The following DNAH17 variants were observed in gnomAD, a reference collection of about 807,000 sequenced individuals.
The protein encoded by DNAH17 is axonemal beta dynein heavy chain 17.
In DNAH17, 376 loss-of-function variants were observed where a neutral mutation model predicts 485.6. That is an observed-to-expected ratio of 0.77 (90% CI 0.71 to 0.84). The LOEUF is 0.84. Among genes scored for constraint, DNAH17 ranks in the 40% least tolerant of loss-of-function variants. The pLI is 0.00. For synonymous variants in DNAH17, 3,031 were observed against 2,405.9 expected (o/e 1.26, Z -7.60); for missense variants, 6,370 against 5,839.3 (o/e 1.09, Z -2.96).
In DNAH17 at chr17:78,483,293, G is replaced by A. The variant is rs118160100; in HGVS notation, c.7649+1575C>T. Among the ~76,000 whole-genome samples the A allele has an allele frequency of 8.1e-3, 1,241 of 152,296 alleles. 8 individuals are homozygous for A. The highest frequency in any genetic ancestry group is 0.011 in the Non-Finnish European group (770 of 68,032). ...TCGTGAGCTCTGGGAGTGTCGTTTAGTGAGGAAAAGGCAAGTGATGGAGTC... is the reference window on the plus strand; with the variant it reads ...TCGTGAGCTCTGGGAGTGTCGTTTAATGAGGAAAAGGCAAGTGATGGAGTC... On this transcript the variant is annotated intron_variant, in intron 48 of 80. Transcript: ENST00000389840.
rs752744352 is a variant in DNAH17 at position 78,561,807 on chromosome 17, GTT to G, written c.1741_1742del (p.Asn581HisfsTer46). 3 of 1,613,898 alleles carry G rather than the reference GTT, an allele frequency of 1.9e-6. No homozygotes were observed. Among genetic ancestry groups the G allele is most frequent in the Non-Finnish European group, 2.5e-6 (3 of 1,179,844 alleles). The part of the protein sequence containing the change: ...EEGNIPLIHK[N>X]MPPVAGQLKW... ...TGAGCTGCCCGGCCACGGGAGGCAT[GTT>G]TTTGTGGATCAGGGGGATGTTCCCC... On this transcript the variant is annotated frameshift_variant, in exon 12 of 81. Transcript: ENST00000389840. LOFTEE classifies it high-confidence loss of function.
rs1295762760 is a variant in DNAH17 at position 78,459,115 on chromosome 17, G to A, written c.9747C>T (p.Val3249=). ...CGTCGCAGTAGACCTCGTAGAAGCG[G>A]ACGATGTTGATGCACCAGGAGCACA... ...AGLCSWCINI[V]RFYEVYCDVA... is the part of the protein sequence containing the mutation. The change falls in exon 61 of 81, where the codon GTC becomes GTT. Residue 3249 remains valine, a synonymous_variant. Coordinates refer to ENST00000389840, the MANE Select transcript of DNAH17 (RefSeq NM_173628.4). 3 of 1,613,918 alleles carry A rather than the reference G, an allele frequency of 1.9e-6. No individual in the cohort carries two copies. The South Asian group carries it at 3.3e-5, about 18-fold the overall frequency.
intron 54 of DNAH17, among the ~76,000 whole-genome samples, chr17:78,469,376 T>C (rs1038816124): frequency 6.6e-6 from 1 of 152,130 alleles, no homozygotes; most frequent in African/African-American, 2.4e-5. Context: ...CTCTTGACCT[T>C]GTGATCCACC....
At chr17:78,487,321 T>A (rs889889313) in intron 44 of DNAH17, among the ~76,000 whole-genome samples, 1 of 152,212 alleles carries the variant, frequency 6.6e-6, no homozygotes, top group African/African-American at 2.4e-5. Flanking sequence ...GGGCTGATAT[T>A]TTTAAAGCTC....
chr17:78,553,305 T>C (rs543893518), intron 14 of DNAH17, among the ~76,000 whole-genome samples: 1 of 78,916 alleles, frequency 1.3e-5, no homozygotes, highest in Non-Finnish European at 2.6e-5. Context: ...TTTTTTTTTT[T>C]TTTTTTTTTT....
Position 78,515,153 on chromosome 17 carries a change from G to A in DNAH17, c.3865-131C>T, listed in dbSNP as rs564651636. Reference sequence around the variant, plus strand: ...AGGAATATTTAGAACTAATACCCGAGATCAGTAAAGTGATTAGATACAAGA... The same window carrying A: ...AGGAATATTTAGAACTAATACCCGAAATCAGTAAAGTGATTAGATACAAGA... On this transcript the variant is annotated intron_variant, in intron 25 of 80. Coordinates refer to ENST00000389840, the MANE Select transcript of DNAH17 (RefSeq NM_173628.4). 70 of 1,043,678 alleles carry A rather than the reference G, an allele frequency of 6.7e-5. 1 individual carries two copies. Among genetic ancestry groups the A allele is most frequent in the Middle Eastern group, 2.1e-4 (1 of 4,734 alleles). 64.7% of individuals were successfully genotyped at this position (1,043,678 alleles called of 1,614,324 possible).
Position 78,502,579 on chromosome 17 carries a change from C to A in DNAH17, c.5190+12G>T. The stretch of plus-strand genomic sequence containing the variant: ...TTTTAAAAACGTAACTAACTACACA[C>A]TAGTAACACACCTGCTTTTTGTTAT... On this transcript the variant is annotated intron_variant, in intron 33 of 80. Coordinates refer to ENST00000389840, the MANE Select transcript of DNAH17 (RefSeq NM_173628.4). The A allele has an allele frequency of 6.2e-7, 1 of 1,610,078 alleles. No homozygotes were observed.
At chr17:78,561,583 C>A in intron 12 of DNAH17, 132 bp downstream of exon 12, 1 of 1,164,104 alleles carries the variant, frequency 8.6e-7, no homozygotes, top group African/African-American at 1.5e-5. Flanking sequence ...GGGGTCTCTT[C>A]TGGGCTTTTG....
At chr17:78,573,548 G>T (rs1036989877) in intron 2 of DNAH17, among the ~76,000 whole-genome samples, 1 of 149,864 alleles carries the variant, frequency 6.7e-6, no homozygotes, top group Non-Finnish European at 1.5e-5. Context: ...GCAGTGAGCT[G>T]AGATCACACC....
chr17:78,491,859 A>T (rs899801879), intron 42 of DNAH17, among the ~76,000 whole-genome samples: 1 of 152,122 alleles, frequency 6.6e-6, no homozygotes, highest in South Asian at 2.1e-4. Flanking sequence ...TCCAGGCTCA[A>T]CATCCCACGG....
chr17:78,558,129 G>C lies in DNAH17; in HGVS notation c.2157C>G (p.Leu719=), dbSNP rs1391619482. The C allele has an allele frequency of 6.8e-6, 11 of 1,613,428 alleles. No homozygotes were observed. ...TFRKFVGNLE[L]IVGWYNEIKT... ...TCACCTCATTATACCAGCCAACGAT[G>C]AGCTCCAGGTTGCCCACAAACTTCC... is the stretch of plus-strand genomic sequence containing the variant. The change falls in exon 14 of 81, where the codon CTC becomes CTG. Residue 719 remains leucine (L), a synonymous_variant. Coordinates refer to ENST00000389840, the MANE Select transcript of DNAH17 (RefSeq NM_173628.4).
rs770587792 is a variant in DNAH17, at chr17:78,491,523, C to A, written c.6589G>T (p.Gly2197Cys). 6.2e-7 allele frequency: 1 copy of A among 1,613,908 alleles called. No individual in the cohort carries two copies. The highest frequency in any genetic ancestry group is 1.7e-5 in the Admixed American group (1 of 60,002). The change falls in exon 43 of 81, where the codon GGC (glycine) becomes TGC (cysteine). Residue 2197 changes from glycine to cysteine, a missense_variant. Gly to Cys is a radical substitution (Grantham distance 159, BLOSUM62 -3). Transcript: ENST00000389840. ...CCGTCAAGGATGATCCACTTGGGGC[C>A]GTCATGGGTGATGTTGGCCAGGTCT... ...MRDLANITHD[G>C]PKWIILDGDI...
Position 78,560,548 on chromosome 17 carries a change from T to C in DNAH17, c.2031+192A>G, listed in dbSNP as rs1008539667. Among the ~76,000 whole-genome samples the C allele has an allele frequency of 7.9e-5, 12 of 152,266 alleles. No homozygotes were observed. The East Asian group carries it at 2.3e-3, about 29-fold the overall frequency. ...GGAACGCTTTCAAGAAGATACTCAT[T>C]GAAGCTATTGTCAAAGTTGCTTCTG... On this transcript the variant is annotated intron_variant, in intron 13 of 80. Coordinates refer to ENST00000389840, the MANE Select transcript of DNAH17 (RefSeq NM_173628.4).
At chr17:78,481,095 C>A (rs529853089) in intron 48 of DNAH17, among the ~76,000 whole-genome samples, 1 of 147,248 alleles carries the variant, frequency 6.8e-6, no homozygotes, top group African/African-American at 2.5e-5. Context: ...ACGCCCGCCC[C>A]CCATCCCCCG....
Position 78,569,543 on chromosome 17 carries a change from G to C in DNAH17, c.1045-16C>G. On this transcript the variant is annotated splice_polypyrimidine_tract_variant and intron_variant, in intron 7 of 80. Transcript: ENST00000389840. ...AGGTTCGTGTCTGGGCAAAAGAGAA[G>C]ACAGACATCTAAAGCTCCGACAAGC... The C allele has an allele frequency of 6.3e-7, 1 of 1,596,396 alleles. No individual in the cohort carries two copies. The highest frequency in any genetic ancestry group is 1.1e-5 in the South Asian group (1 of 88,166).
Position 78,560,741 on chromosome 17 carries a change from G to A in DNAH17, c.2030C>T (p.Ala677Val), listed in dbSNP as rs373946810. 7.0e-5 allele frequency: 109 copies of A among 1,548,716 alleles called. No homozygotes were observed. The highest frequency in any genetic ancestry group is 4.7e-4 in the East Asian group (19 of 40,846). ...SNLIHVNFSKALVAVLREVKY... is the reference protein window; with the variant it reads ...SNLIHVNFSKVLVAVLREVKY... The stretch of plus-strand genomic sequence containing the variant: ...GCGGTCCCCACTCCTGGCACCCACC[G>A]CTTTGCTGAAGTTGACGTGGATGAG... The change falls in exon 13 of 81, where the codon GCG (alanine) becomes GTG (valine). Residue 677 changes from alanine (A) to valine (V), a missense_variant and splice_region_variant. Ala to Val is a moderately conservative substitution (Grantham distance 64). Transcript: ENST00000389840.
intron 14 of DNAH17, among the ~76,000 whole-genome samples, chr17:78,553,706 G>A (rs780914186): frequency 1.3e-5 from 2 of 152,142 alleles, no homozygotes; most frequent in African/African-American, 2.4e-5. Flanking sequence ...GAGGATTTAT[G>A]TACGGTTACT....
intron 54 of DNAH17, among the ~76,000 whole-genome samples, chr17:78,469,346 T>G (rs1436144030): frequency 2.0e-5 from 3 of 152,198 alleles, no homozygotes; most frequent in Non-Finnish European, 4.4e-5. Context: ...TTTCACTATG[T>G]TAGCCAGGAG....
At position 78,560,764 on chromosome 17, in the gene DNAH17, G is replaced by GAGGT; in HGVS notation, c.2003_2006dup (p.Ile670ProfsTer57). The GAGGT allele has an allele frequency of 6.4e-7, 1 of 1,552,000 alleles. No homozygotes were observed. The highest frequency in any genetic ancestry group is 8.7e-7 in the Non-Finnish European group (1 of 1,147,116). ...CCGCTTTGCTGAAGTTGACGTGGAT[G>GAGGT]AGGTTGCTAGCGGCGTCCCGCAGAA... On this transcript the variant is annotated frameshift_variant, in exon 13 of 81. Transcript: ENST00000389840. LOFTEE classifies it high-confidence loss of function.
Sources: gnomAD v4.1 joint callset for allele counts (sites outside exome capture counted in the v4.1 genomes callset) on GRCh38, gnomAD v4.1.1 for gene constraint, MANE v1.5 for transcripts, NCBI Gene and HGNC (gene_info 2026-07-23, HGNC 2026-07-21) for gene names.